IQGAP2: variants seen among roughly 807,000 people sequenced by gnomAD.
IQGAP2 encodes ras GTPase-activating-like protein IQGAP2.
IQGAP2 carries 173 observed loss-of-function variants against 201.3 expected under a neutral mutation model. That is an observed-to-expected ratio of 0.86 (90% CI 0.76 to 0.98). The LOEUF is 0.98. Among genes scored for constraint, IQGAP2 ranks in the 50% least tolerant of loss-of-function variants. The probability of loss-of-function intolerance (pLI) is 0.00; values close to 1 mark genes in which losing one functional copy is unlikely to be tolerated. For missense variants in IQGAP2, 1,687 were observed against 1,864.8 expected, an observed-to-expected ratio of 0.90 and a Z score of 1.76; for synonymous variants, 675 against 673.9, an observed-to-expected ratio of 1.00 and a Z score of -0.03.
intron 28 of IQGAP2, among the ~76,000 whole-genome samples, chr5:76,680,396 T>C (rs1369022062): frequency 6.6e-6 from 1 of 152,154 alleles, no homozygotes; most frequent in Non-Finnish European, 1.5e-5. Flanking sequence ...AAATAAGATA[T>C]AGGAGTAAAT....
At chr5:76,508,608 G>T (rs950185844) in intron 2 of IQGAP2, among the ~76,000 whole-genome samples, 1 of 151,574 alleles carries the variant, frequency 6.6e-6, no homozygotes, top group Non-Finnish European at 1.5e-5. Flanking sequence ...TTTGGGAGGC[G>T]GAGGCAAGAG....
intron 30 of IQGAP2, among the ~76,000 whole-genome samples, chr5:76,690,481 C>T (rs370153630): frequency 2.6e-4 from 39 of 152,280 alleles, no homozygotes; most frequent in African/African-American, 8.4e-4. Context: ...TCAAAGGTCT[C>T]TCTCCGGGCC....
intron 10 of IQGAP2, among the ~76,000 whole-genome samples, chr5:76,599,615 C>G (rs958712864): frequency 9.2e-5 from 14 of 152,134 alleles, no homozygotes; most frequent in Admixed American, 3.9e-4. Context: ...CTTACATGCT[C>G]TCGATGGTAA....
chr5:76,653,807 G>T (rs1752699288), intron 18 of IQGAP2, among the ~76,000 whole-genome samples: 1 of 152,102 alleles, frequency 6.6e-6, no homozygotes, highest in South Asian at 2.1e-4. Context: ...GATATTGGAT[G>T]CATTTAAAGG....
At chr5:76,472,410 A>G (rs1367180614) in intron 2 of IQGAP2, among the ~76,000 whole-genome samples, 1 of 152,202 alleles carries the variant, frequency 6.6e-6, no homozygotes, top group Non-Finnish European at 1.5e-5. Flanking sequence ...GGCGGTGACC[A>G]GGGATTATGC....
At chr5:76,462,502 T>C (rs1340351318) in intron 2 of IQGAP2, among the ~76,000 whole-genome samples, 1 of 152,206 alleles carries the variant, frequency 6.6e-6, no homozygotes, top group Non-Finnish European at 1.5e-5. Context: ...TTGAGAGAAC[T>C]TTATCCTTTG....
intron 2 of IQGAP2, among the ~76,000 whole-genome samples, chr5:76,549,277 T>C (rs1233338658): frequency 6.6e-6 from 1 of 151,920 alleles, no homozygotes; most frequent in Non-Finnish European, 1.5e-5. Context: ...ACGTAACTGG[T>C]AAGTGGCAGA....
At chr5:76,513,700 G>T (rs1580359336) in intron 2 of IQGAP2, among the ~76,000 whole-genome samples, 1 of 152,304 alleles carries the variant, frequency 6.6e-6, no homozygotes, top group East Asian at 1.9e-4. Context: ...GTTGCCAAGG[G>T]CTAAGGGGAG....
At chr5:76,411,701 G>C (rs1751130304) in intron 1 of IQGAP2, among the ~76,000 whole-genome samples, 1 of 152,164 alleles carries the variant, frequency 6.6e-6, no homozygotes, top group African/African-American at 2.4e-5. Flanking sequence ...GGACATCCTA[G>C]CCTCCAGAAC....
In IQGAP2 at chr5:76,426,600, T is replaced by C. The variant is rs776389496; in HGVS notation, c.46+23009T>C. Among the ~76,000 whole-genome samples the C allele has an allele frequency of 4.1e-4, 62 of 152,244 alleles. 3 individuals carry two copies. Among genetic ancestry groups the C allele is most frequent in the Non-Finnish European group, 1.2e-4 (8 of 68,044 alleles). On this transcript the variant is annotated intron_variant, in intron 1 of 35. Coordinates refer to ENST00000274364, the MANE Select transcript of IQGAP2 (RefSeq NM_006633.5). ...TGCCATTGTTCCTTTTCTTTGCATT[T>C]CTTATGAGTCCTGGCTCCTTTTGCT...
intron 2 of IQGAP2, among the ~76,000 whole-genome samples, chr5:76,528,872 A>G (rs1441234457): frequency 2.6e-5 from 4 of 152,208 alleles, no homozygotes; most frequent in Non-Finnish European, 5.9e-5. Context: ...GGGCTATTCT[A>G]TAGACAGGAG....
At chr5:76,608,086 T>TG (rs1347961042) in intron 12 of IQGAP2, 1 of 152,140 alleles carries the variant, frequency 6.6e-6, no homozygotes, top group African/African-American at 2.4e-5. Context: ...AGTTGGTTAC[T>TG]GGGGGGAAAA....
chr5:76,432,128 C>CTTTTTTTTTTTTTTTTTTTTTTT lies in IQGAP2; in HGVS notation c.46+28552_46+28553insTTTTTTTTTTTTTTTTTTTTTTT, dbSNP rs70982606. ...TGGAATTGACTGATCTTTCTTTCTT[C>CTTTTTTTTTTTTTTTTTTTTTTT]TTTTTTTTTTTTTTTGAGATGGAGT... On this transcript the variant is annotated intron_variant, in intron 1 of 35. Coordinates refer to ENST00000274364, the MANE Select transcript of IQGAP2 (RefSeq NM_006633.5). Among the ~76,000 whole-genome samples, 18 of 95,300 alleles carry CTTTTTTTTTTTTTTTTTTTTTTT rather than the reference C, an allele frequency of 1.9e-4. 2 individuals carry two copies. The highest frequency in any genetic ancestry group is 5.8e-4 in the Admixed American group (4 of 6,882). The allele number at this position is 95,300 out of a possible 152,430, so 62.5% of individuals were successfully genotyped here. A position where few individuals can be genotyped will look rare whatever the true frequency, so the allele number is the denominator to read the frequency against.
At chr5:76,674,086 C>T (rs781068349) in intron 26 of IQGAP2, 50 bp downstream of exon 26, 3 of 975,072 alleles carry the variant, frequency 3.1e-6, no homozygotes, top group Admixed American at 3.5e-5. Context: ...GGGTATGAAT[C>T]AAAATTACCA....
chr5:76,621,266 T>G (rs1749643004), intron 13 of IQGAP2, among the ~76,000 whole-genome samples: 1 of 152,052 alleles, frequency 6.6e-6, no homozygotes, highest in African/African-American at 2.4e-5. Flanking sequence ...GAATTCACGG[T>G]GTAAAATAGA....
intron 2 of IQGAP2, among the ~76,000 whole-genome samples, chr5:76,513,068 AAAAG>A (rs1417273718): frequency 2.0e-5 from 3 of 151,570 alleles, no homozygotes; most frequent in African/African-American, 7.3e-5. Context: ...AAGAAAAAAA[AAAAG>A]AAAAAAGAAA....
At chr5:76,661,566 A>G (rs1343476786) in intron 21 of IQGAP2, among the ~76,000 whole-genome samples, 3 of 152,146 alleles carry the variant, frequency 2.0e-5, no homozygotes, top group Admixed American at 6.5e-5. Context: ...TAATTATACT[A>G]CTTCACTGCT....
At chr5:76,446,523 A>G (rs1454525241) in intron 1 of IQGAP2, among the ~76,000 whole-genome samples, 1 of 152,154 alleles carries the variant, frequency 6.6e-6, no homozygotes, top group African/African-American at 2.4e-5. Flanking sequence ...ATGCTGGTTA[A>G]TCAATGTTTA....
intron 2 of IQGAP2, among the ~76,000 whole-genome samples, chr5:76,549,100 T>C (rs1743275186): frequency 6.6e-6 from 1 of 152,074 alleles, no homozygotes; most frequent in Admixed American, 6.5e-5. Flanking sequence ...TGGTCTGGGA[T>C]ATGGTGGTGA....
Sources: allele counts gnomAD v4.1 joint callset (sites outside exome capture counted in the v4.1 genomes callset), GRCh38; gene constraint gnomAD v4.1.1; transcripts MANE v1.5; gene names NCBI Gene and HGNC (gene_info 2026-07-23, HGNC 2026-07-21).